AGTPBP1: variants seen among roughly 807,000 people sequenced by gnomAD.
AGTPBP1 encodes the protein cytosolic carboxypeptidase 1.
AGTPBP1 carries 70 observed loss-of-function variants against 143.9 expected under a neutral mutation model. The observed-to-expected ratio is 0.49, with a 90% CI of 0.40 to 0.59. The LOEUF is 0.59. Among genes scored for constraint, AGTPBP1 ranks in the 20% least tolerant of loss-of-function variants. The pLI, the probability that AGTPBP1 is intolerant of heterozygous loss-of-function variation, is 0.00. For missense variants in AGTPBP1, 1,229 were observed against 1,464.5 expected (o/e 0.84, Z 2.62); for synonymous variants, 463 against 500.2 (o/e 0.93, Z 0.99).
chr9:85,741,537 G>A (rs1209722157), intron 1 of AGTPBP1: 3 of 985,288 alleles, frequency 3.0e-6, no homozygotes, highest in Non-Finnish European at 3.6e-6. Flanking sequence ...CGGGGACTGG[G>A]GAAGGCGTTT....
chr9:85,563,866 G>A (rs1826904448), intron 25 of AGTPBP1, among the ~76,000 whole-genome samples: 1 of 152,242 alleles, frequency 6.6e-6, no homozygotes, highest in African/African-American at 2.4e-5. Flanking sequence ...CTGCTCCTCT[G>A]CAGCACAAGG....
chr9:85,698,679 C>CTTTTTTTTT (rs34248388), intron 2 of AGTPBP1, among the ~76,000 whole-genome samples: 22 of 76,578 alleles, frequency 2.9e-4, no homozygotes, highest in Non-Finnish European at 4.2e-4. Flanking sequence ...CCACCTAACC[C>CTTTTTTTTT]TTTTTTTTTT....
At chr9:85,716,348 T>C (rs2134541251) in intron 1 of AGTPBP1, among the ~76,000 whole-genome samples, 1 of 152,356 alleles carries the variant, frequency 6.6e-6, no homozygotes, top group Non-Finnish European at 1.5e-5. Flanking sequence ...AGTCCTTTCT[T>C]GTCCTCTTCT....
chr9:85,557,258 A>T (rs1826410031), intron 25 of AGTPBP1, among the ~76,000 whole-genome samples: 1 of 152,196 alleles, frequency 6.6e-6, no homozygotes, highest in South Asian at 2.1e-4. Context: ...GACAAGGCTC[A>T]AAGCTTTCAT....
chr9:85,757,640 T>C, the AGTPBP1 span, among the ~76,000 whole-genome samples: 1 of 152,088 alleles, frequency 6.6e-6, no homozygotes, highest in Admixed American at 6.6e-5. Flanking sequence ...CTTACCAGCT[T>C]TTTAATACCT....
chr9:85,676,018 C>T (rs900628302), intron 6 of AGTPBP1, among the ~76,000 whole-genome samples: 3 of 151,288 alleles, frequency 2.0e-5, no homozygotes, highest in African/African-American at 7.3e-5. Flanking sequence ...AGTGAGCCTC[C>T]GTCTCAAAAA....
chr9:85,776,210 A>AAGGAAAT, the AGTPBP1 span, among the ~76,000 whole-genome samples: 2 of 152,232 alleles, frequency 1.3e-5, no homozygotes, highest in Non-Finnish European at 2.9e-5. Flanking sequence ...ATAAAGGAAA[A>AAGGAAAT]AGGAAATAAA....
At chr9:85,557,901 C>T (rs7872975) in intron 25 of AGTPBP1, among the ~76,000 whole-genome samples, 7,598 of 152,256 alleles carry the variant, frequency 0.05, 664 homozygotes, top group African/African-American at 0.17. Context: ...CTCAGTCTCT[C>T]TCATAATGCT....
chr9:85,720,570 T>C (rs1364683412), intron 1 of AGTPBP1, among the ~76,000 whole-genome samples: 2 of 152,192 alleles, frequency 1.3e-5, no homozygotes, highest in Non-Finnish European at 2.9e-5. Flanking sequence ...TTATTAGTCT[T>C]GCTAGTGGTC....
chr9:85,700,905 T>G (rs1836598515), intron 2 of AGTPBP1, among the ~76,000 whole-genome samples: 1 of 152,196 alleles, frequency 6.6e-6, no homozygotes, highest in Admixed American at 6.5e-5. Context: ...CTATATATAT[T>G]AAACACACTA....
chr9:85,675,972 C>G (rs1242885942), intron 6 of AGTPBP1, among the ~76,000 whole-genome samples: 1 of 152,132 alleles, frequency 6.6e-6, no homozygotes, highest in Non-Finnish European at 1.5e-5. Flanking sequence ...TTGCAGTGAG[C>G]CCAGATCACA....
At chr9:85,722,651 A>C (rs1838205056) in intron 1 of AGTPBP1, among the ~76,000 whole-genome samples, 1 of 152,148 alleles carries the variant, frequency 6.6e-6, no homozygotes, top group Non-Finnish European at 1.5e-5. Flanking sequence ...TGTTATTACC[A>C]ACCTTTCTGA....
At chr9:85,579,200 C>A in intron 23 of AGTPBP1, 104 bp from the exon 24 acceptor site, 1 of 1,146,278 alleles carries the variant, frequency 8.7e-7, no homozygotes, top group Non-Finnish European at 1.2e-6. Flanking sequence ...TAGAGCAAAG[C>A]CATGTGGATG....
At chr9:85,741,139 A>T (rs1824233928) in intron 1 of AGTPBP1, 4 of 842,648 alleles carry the variant, frequency 4.7e-6, no homozygotes, top group Admixed American at 6.2e-5. Flanking sequence ...CTGCACTGTC[A>T]TCCAGGGTGA....
intron 18 of AGTPBP1, among the ~76,000 whole-genome samples, chr9:85,595,177 G>C (rs896978166): frequency 6.6e-6 from 1 of 152,174 alleles, no homozygotes; most frequent in Non-Finnish European, 1.5e-5. Context: ...TTGTTTCCCA[G>C]AAAGTAGGAG....
rs1839036168 is a variant in AGTPBP1 at position 85,733,714 on chromosome 9, G to T, written c.-34+8061C>A. ...GATTAACAAAACTGACAAACCTTTA[G>T]CAAGATTTAAAAGAGAGAGGACTCA... On this transcript the variant is annotated intron_variant, in intron 1 of 25. Transcript: ENST00000357081. Among the ~76,000 whole-genome samples the T allele has an allele frequency of 2.6e-5, 4 of 152,094 alleles. No homozygotes were observed. In the South Asian group the frequency reaches 8.3e-4, roughly 32 times the overall value.
intron 14 of AGTPBP1, among the ~76,000 whole-genome samples, chr9:85,631,328 G>A (rs1017402799): frequency 2.0e-5 from 3 of 152,242 alleles, no homozygotes; most frequent in African/African-American, 7.2e-5. Flanking sequence ...TCTTTCTACA[G>A]AATTATGGAA....
chr9:85,614,996 A>G (rs1048852101), intron 17 of AGTPBP1, among the ~76,000 whole-genome samples: 5 of 152,174 alleles, frequency 3.3e-5, no homozygotes, highest in Non-Finnish European at 4.4e-5. Flanking sequence ...CCTTTCGTTC[A>G]TTCGTGGCTC....
In AGTPBP1 at chr9:85,588,287, G is replaced by A. The variant is rs757850753; in HGVS notation, c.2903+11C>T. 3.2e-6 allele frequency: 5 copies of A among 1,587,096 alleles called. No homozygotes were observed. The highest frequency in any genetic ancestry group is 2.7e-5 in the African/African-American group (2 of 73,574). ...GTCTTGAATATATTCTACAACTATTGCTTAACTTACTTTCCATTGATGACA... is the reference window on the plus strand; with the variant it reads ...GTCTTGAATATATTCTACAACTATTACTTAACTTACTTTCCATTGATGACA... On this transcript the variant is annotated intron_variant, in intron 21 of 25. Coordinates refer to ENST00000357081, the MANE Select transcript of AGTPBP1 (RefSeq NM_001330701.2).
Sources: gnomAD v4.1 joint callset for allele counts (sites outside exome capture counted in the v4.1 genomes callset) on GRCh38, gnomAD v4.1.1 for gene constraint, MANE v1.5 for transcripts, NCBI Gene and HGNC (gene_info 2026-07-23, HGNC 2026-07-21) for gene names.